Variants in MCC observed in about 807,000 individuals in gnomAD.
MCC encodes the protein MCC regulator of Wnt signaling pathway, also known as colorectal mutant cancer protein.
MCC carries 90 observed loss-of-function variants against 116.2 expected under a neutral mutation model. The ratio of observed to expected loss-of-function variants is 0.77; its 90% CI spans 0.65 to 0.92. The LOEUF (loss-of-function observed/expected upper bound fraction) is 0.92, where lower values mean the gene tolerates loss of function less well. Among genes scored for constraint, MCC ranks in the 40% least tolerant of loss-of-function variants. The pLI, the probability that MCC is intolerant of heterozygous loss-of-function variation, is 0.00. For missense variants in MCC, 1,516 were observed against 1,312.2 expected, an observed-to-expected ratio of 1.16 and a Z score of -2.40; for synonymous variants, 578 against 510.5, an observed-to-expected ratio of 1.13 and a Z score of -1.78.
At chr5:113,469,341 C>CA (rs765480613) in intron 1 of MCC, among the ~76,000 whole-genome samples, 3 of 152,246 alleles carry the variant, frequency 2.0e-5, no homozygotes, top group Non-Finnish European at 4.4e-5. Flanking sequence ...TTTCCCTCTA[C>CA]ACACTGCTTT....
intron 3 of MCC, among the ~76,000 whole-genome samples, chr5:113,191,548 G>A (rs773245517): frequency 5.9e-5 from 9 of 152,170 alleles, no homozygotes; most frequent in Non-Finnish European, 1.2e-4. Flanking sequence ...GGGAGAAACA[G>A]GAGTGCAAGG....
chr5:113,084,212 T>C (rs1755048461), intron 9 of MCC, 22 bp from the exon 10 acceptor site: 1 of 1,593,028 alleles, frequency 6.3e-7, no homozygotes, highest in Admixed American at 1.7e-5. Context: ...AAACAAAACA[T>C]TATAGAAAAC....
chr5:113,048,920 C>G, intron 16 of MCC, 173 bp downstream of exon 16: 1 of 632,460 alleles, frequency 1.6e-6, no homozygotes, highest in South Asian at 1.9e-5. Flanking sequence ...AAATGTAGAC[C>G]TGGTTTCATT....
At chr5:113,234,673 G>C (rs1472313051) in intron 3 of MCC, 6 of 152,114 alleles carry the variant, frequency 3.9e-5, no homozygotes. Flanking sequence ...ATTATATATA[G>C]AAAACAACTA....
At chr5:113,362,853 T>C (rs1447949024) in intron 2 of MCC, among the ~76,000 whole-genome samples, 2 of 152,144 alleles carry the variant, frequency 1.3e-5, no homozygotes, top group Non-Finnish European at 2.9e-5. Context: ...TTTACACTAA[T>C]GGGATGACTC....
intron 3 of MCC, among the ~76,000 whole-genome samples, chr5:113,212,337 A>G (rs1019906729): frequency 1.3e-5 from 2 of 152,168 alleles, no homozygotes; most frequent in African/African-American, 4.8e-5. Context: ...TAGATATTTG[A>G]ACATGGGCAT....
At chr5:113,084,231 A>C in intron 9 of MCC, 41 bp from the exon 10 acceptor site, 1 of 1,461,052 alleles carries the variant, frequency 6.8e-7, no homozygotes. Context: ...ACTACACACC[A>C]CTCCTCAGAT....
chr5:113,100,487 T>TC (rs1352438416), intron 8 of MCC, among the ~76,000 whole-genome samples: 4 of 147,058 alleles, frequency 2.7e-5, no homozygotes, highest in African/African-American at 5.1e-5. Flanking sequence ...TTTTTTTTTT[T>TC]TGGACATGGA....
chr5:113,260,393 C>T (rs1415406095), intron 3 of MCC, among the ~76,000 whole-genome samples: 1 of 152,080 alleles, frequency 6.6e-6, no homozygotes, highest in Non-Finnish European at 1.5e-5. Context: ...AATAGTAGAG[C>T]TTCATGCCTG....
At chr5:113,072,119 A>C (rs547967081) in intron 11 of MCC, among the ~76,000 whole-genome samples, 1 of 152,338 alleles carries the variant, frequency 6.6e-6, no homozygotes, top group South Asian at 2.1e-4. Context: ...TTCCATGGAC[A>C]CATCTATTTG....
At chr5:113,416,661 C>A (rs1271087651) in intron 1 of MCC, among the ~76,000 whole-genome samples, 1 of 151,842 alleles carries the variant, frequency 6.6e-6, no homozygotes, top group Non-Finnish European at 1.5e-5. Context: ...ATGGTAGATG[C>A]CCTTGGACAG....
At chr5:113,270,982 A>T (rs532885475) in intron 3 of MCC, among the ~76,000 whole-genome samples, 36 of 152,188 alleles carry the variant, frequency 2.4e-4, no homozygotes, top group Admixed American at 4.6e-4. Flanking sequence ...TTTTGCTAAG[A>T]CAAGGATAAA....
In MCC at chr5:113,178,293, C is replaced by T. The variant is rs75715085; in HGVS notation, c.628-26871G>A. ...TGGCGAGTGGACCATCTCAGTAGCT[C>T]TGAGCATGCAGCAGCTTTCCTAGCA... On this transcript the variant is annotated intron_variant, in intron 3 of 18. Coordinates refer to ENST00000408903, the MANE Select transcript of MCC (RefSeq NM_001085377.2). Among the ~76,000 whole-genome samples the T allele has an allele frequency of 2.3e-3, 348 of 152,252 alleles. 3 individuals carry two copies. The highest frequency in any genetic ancestry group is 8.0e-3 in the African/African-American group (332 of 41,538).
chr5:113,434,011 G>C lies in MCC; in HGVS notation c.171-48799C>G, dbSNP rs375756830. On this transcript the variant is annotated intron_variant, in intron 1 of 18. Transcript: ENST00000408903. This position sits in a 1 kb window ranked among gnomAD's most constrained non-coding sequence, Gnocchi z 4.2. ...TTGATGGCCACAGAGGGAGATCCCC[G>C]TGCCTTGGGCTGCATCCAGCAGTGG... 5 of 1,613,864 alleles carry C rather than the reference G, an allele frequency of 3.1e-6. No individual in the cohort carries two copies. In the African/African-American group the frequency reaches 6.7e-5, roughly 22 times the overall value.
At chr5:113,241,540 G>T (rs576213224) in intron 3 of MCC, among the ~76,000 whole-genome samples, 3 of 152,282 alleles carry the variant, frequency 2.0e-5, no homozygotes, top group African/African-American at 4.8e-5. Context: ...GAAACTAGTT[G>T]TAAGTTTATT....
intron 1 of MCC, among the ~76,000 whole-genome samples, chr5:113,388,529 C>T (rs546890147): frequency 2.0e-5 from 3 of 152,046 alleles, no homozygotes; most frequent in Non-Finnish European, 4.4e-5. Context: ...GAGTTCTCTC[C>T]CTGTTAGTTC....
Position 113,022,138 on chromosome 5 carries a change from ATGTT to A in MCC, c.*5160_*5163del, listed in dbSNP as rs1484928893. On this transcript the variant is annotated 3_prime_UTR_variant, in exon 19 of 19. Coordinates refer to ENST00000408903, the MANE Select transcript of MCC (RefSeq NM_001085377.2). ...AGAAATATTTATTCAGAATATAAGA[ATGTT>A]TGTAAAATATTATAAATGTCTCTGT... is the stretch of plus-strand genomic sequence containing the variant. 3 of 152,602 alleles carry A rather than the reference ATGTT, an allele frequency of 2.0e-5. No homozygotes were observed. Among genetic ancestry groups the A allele is most frequent in the Non-Finnish European group, 4.4e-5 (3 of 68,032 alleles). The allele number at this position is 152,602 out of a possible 1,614,324, so 9.5% of individuals were successfully genotyped here. A position where few individuals can be genotyped will look rare whatever the true frequency, so the allele number is the denominator to read the frequency against.
intron 1 of MCC, among the ~76,000 whole-genome samples, chr5:113,476,864 T>C (rs889235115): frequency 3.3e-5 from 5 of 152,216 alleles, no homozygotes; most frequent in Admixed American, 6.5e-5. Flanking sequence ...GACCATTGAA[T>C]TGTATGCTTT....
intron 14 of MCC, among the ~76,000 whole-genome samples, chr5:113,057,667 T>C (rs1178138588): frequency 6.6e-6 from 1 of 152,186 alleles, no homozygotes; most frequent in Non-Finnish European, 1.5e-5. Flanking sequence ...CAAAGGACCC[T>C]CAGCATCTCA....
Sources: allele counts gnomAD v4.1 joint callset (sites outside exome capture counted in the v4.1 genomes callset), GRCh38; gene constraint gnomAD v4.1.1; non-coding constraint Gnocchi (gnomAD v3.1); transcripts MANE v1.5; gene names NCBI Gene and HGNC (gene_info 2026-07-23, HGNC 2026-07-21).